The following ATXN2L variants were observed in gnomAD, a reference collection of about 807,000 sequenced individuals.
ATXN2L encodes ataxin-2-like protein.
ATXN2L carries 24 observed loss-of-function variants against 120.7 expected under a neutral mutation model. The observed-to-expected ratio is 0.20, with a 90% CI of 0.14 to 0.28. The LOEUF (loss-of-function observed/expected upper bound fraction) is 0.28. Among genes scored for constraint, ATXN2L ranks in the 10% least tolerant of loss-of-function variants. The pLI is 1.00. For missense variants in ATXN2L, 1,312 were observed against 1,432.3 expected (o/e 0.92, Z 1.36); for synonymous variants, 653 against 568.1 (o/e 1.15, Z -2.13).
intron 1 of ATXN2L, 127 bp from the exon 2 acceptor site, chr16:28,825,239 T>C: frequency 1.1e-6 from 1 of 927,594 alleles, no homozygotes; most frequent in Non-Finnish European, 1.7e-6. Flanking sequence ...AAAATCTTAC[T>C]GATTAACAAT....
chr16:28,832,181 C>A, intron 10 of ATXN2L, 24 bp from the exon 11 acceptor site: 1 of 1,613,668 alleles, frequency 6.2e-7, no homozygotes. Context: ...AGTAACCATC[C>A]TACAGCTCCC....
rs1023690519 is a variant in ATXN2L at position 28,833,196 on chromosome 16, G to C, written c.1797G>C (p.Lys599Asn). Residue 599 changes from lysine to asparagine, a missense_variant, in exon 14 of 22, where the codon AAG becomes AAC. Lys to Asn is a moderately conservative substitution (Grantham distance 94, BLOSUM62 0). Coordinates refer to ENST00000336783, the MANE Select transcript of ATXN2L (RefSeq NM_007245.4). Reference protein sequence around the residue: ...SEPMGSPVSSKTESVSDKEDK... With the variant: ...SEPMGSPVSSNTESVSDKEDK... Reference sequence around the variant, plus strand: ...CCATGGGGTCTCCCGTCTCCTCCAAGACAGAGTCCGTATCGGATAAGGAGG... The same window carrying C: ...CCATGGGGTCTCCCGTCTCCTCCAACACAGAGTCCGTATCGGATAAGGAGG... 1.5e-5 allele frequency: 25 copies of C among 1,614,200 alleles called. No individual in the cohort carries two copies. The highest frequency in any genetic ancestry group is 2.1e-5 in the Non-Finnish European group (25 of 1,180,042).
At chr16:28,824,610 A>G in intron 1 of ATXN2L, 1 of 1,234,786 alleles carries the variant, frequency 8.1e-7, no homozygotes, top group South Asian at 1.3e-5. Flanking sequence ...CCCTCCTCCC[A>G]CAGTTTTGAG....
In ATXN2L at chr16:28,830,069, C is replaced by A. The variant is rs748576368; in HGVS notation, c.1034+11C>A. The A allele has an allele frequency of 1.2e-6, 2 of 1,605,838 alleles. No individual in the cohort carries two copies. Among genetic ancestry groups the A allele is most frequent in the Admixed American group, 1.7e-5 (1 of 59,532 alleles). On this transcript the variant is annotated intron_variant, in intron 8 of 21. Transcript: ENST00000336783. ...CAGCTTGGCATCCAGGTGACTGTTG[C>A]AAACAGCCAGGACTACTTGGGGCTT... is the stretch of plus-strand genomic sequence containing the variant.
In ATXN2L at chr16:28,835,327, C is replaced by T. The variant is rs754721336; in HGVS notation, c.2613C>T (p.His871=). The T allele has an allele frequency of 6.2e-7, 1 of 1,613,710 alleles. No homozygotes were observed. Among genetic ancestry groups the T allele is most frequent in the South Asian group, 1.1e-5 (1 of 91,082 alleles). Residue 871 remains histidine (H), a synonymous_variant, in exon 20 of 22, where the codon CAC becomes CAT. Transcript: ENST00000336783. ...YPHHATQLHA[H]QPQPATTPTG... The stretch of plus-strand genomic sequence containing the variant: ...ACCATGCCACACAGCTCCATGCCCA[C>T]CAGCCGCAGCCGGCTACCACGCCTA...
intron 1 of ATXN2L, chr16:28,824,037 C>A (rs894781697): frequency 2.1e-6 from 2 of 940,950 alleles, no homozygotes; most frequent in African/African-American, 3.6e-5. Context: ...GTTGCTGCCT[C>A]CCCCTTCCCG....
Position 28,834,093 on chromosome 16 carries a change from C to T in ATXN2L, c.2054C>T (p.Pro685Leu), listed in dbSNP as rs757362191. ...VNKSTSTPTS[P>L]GPRTHSTPSI... Reference sequence around the variant, plus strand: ...AAATCCACCAGTACCCCAACTTCTCCGGGGCCCCGGACTCATTCAACTCCC... The same window carrying T: ...AAATCCACCAGTACCCCAACTTCTCTGGGGCCCCGGACTCATTCAACTCCC... The change falls in exon 16 of 22, where the codon CCG (proline) becomes CTG (leucine). Residue 685 changes from proline (P) to leucine (L), a missense_variant. Physicochemically the swap from Pro to Leu is moderately conservative, Grantham distance 98. Coordinates refer to ENST00000336783, the MANE Select transcript of ATXN2L (RefSeq NM_007245.4). 8 of 1,613,954 alleles carry T rather than the reference C, an allele frequency of 5.0e-6. No individual in the cohort carries two copies. The highest frequency in any genetic ancestry group is 1.3e-5 in the African/African-American group (1 of 75,024).
intron 10 of ATXN2L, 72 bp downstream of exon 10, chr16:28,831,144 T>C: frequency 9.4e-7 from 1 of 1,059,854 alleles, no homozygotes; most frequent in Admixed American, 2.3e-5. Flanking sequence ...GTCCATTTGT[T>C]ACAGTGCTGG....
chr16:28,827,566 T>C (rs960751680), intron 6 of ATXN2L, among the ~76,000 whole-genome samples: 3 of 151,464 alleles, frequency 2.0e-5, no homozygotes, highest in African/African-American at 4.9e-5. Flanking sequence ...AATCAGCTAC[T>C]CTGAGGCATT....
At chr16:28,834,297 C>T in intron 16 of ATXN2L, 46 bp from the exon 17 acceptor site, 4 of 1,611,366 alleles carry the variant, frequency 2.5e-6, no homozygotes, top group African/African-American at 1.3e-5. Flanking sequence ...CCTGTCTGGG[C>T]ATTCGTGAGC....
At position 28,832,802 on chromosome 16, in the gene ATXN2L, AC is replaced by A. The variant is rs1185571574; in HGVS notation, c.1589-14del. ...AATGTTTTGTATTTTCTTCTTTTTG[AC>A]TGTTTTCTCATAGTCCCTGGTCTTC... On this transcript the variant is annotated splice_polypyrimidine_tract_variant and intron_variant, in intron 12 of 21. Transcript: ENST00000336783. The A allele has an allele frequency of 6.2e-7, 1 of 1,613,200 alleles. No homozygotes were observed. Among genetic ancestry groups the A allele is most frequent in the East Asian group, 2.2e-5 (1 of 44,884 alleles).
At position 28,836,378 on chromosome 16, in the gene ATXN2L, C is replaced by T. The variant is rs1476058068; in HGVS notation, c.*113C>T. 3.1e-6 allele frequency: 5 copies of T among 1,613,480 alleles called. No individual in the cohort carries two copies. Among genetic ancestry groups the T allele is most frequent in the African/African-American group, 1.3e-5 (1 of 74,852 alleles). ...GCCGCCGCCAGGGGCTTGCTCCTGG[C>T]TCTGTCCTTTGCTTCCCTCCGTCCT... On this transcript the variant is annotated 3_prime_UTR_variant, in exon 22 of 22. Coordinates refer to ENST00000336783, the MANE Select transcript of ATXN2L (RefSeq NM_007245.4).
intron 7 of ATXN2L, 112 bp from the exon 8 acceptor site, chr16:28,829,746 A>C (rs2053659489): frequency 1.7e-6 from 2 of 1,177,890 alleles, no homozygotes; most frequent in Non-Finnish European, 2.5e-6. Context: ...TGTTGAAGGG[A>C]TTAAATACTT....
intron 18 of ATXN2L, 108 bp from the exon 19 acceptor site, chr16:28,834,950 T>C: frequency 7.1e-7 from 1 of 1,410,676 alleles, no homozygotes; most frequent in Non-Finnish European, 9.6e-7. Context: ...GTTGAATCAA[T>C]AGGGTGATTG....
At chr16:28,829,798 C>T in intron 7 of ATXN2L, 60 bp from the exon 8 acceptor site, 2 of 1,566,738 alleles carry the variant, frequency 1.3e-6, no homozygotes, top group Admixed American at 1.7e-5. Flanking sequence ...AATGTTTTTC[C>T]TTTTTTCCTC....
intron 6 of ATXN2L, among the ~76,000 whole-genome samples, chr16:28,829,053 T>C (rs1401285084): frequency 3.3e-5 from 5 of 152,146 alleles, no homozygotes; most frequent in African/African-American, 1.2e-4. Flanking sequence ...CAGAGCGCAG[T>C]GGTGCCATAA....
rs370758732 is a variant in ATXN2L at position 28,826,734 on chromosome 16, C to T, written c.617-128C>T. ...CCCACCCCCTGGCCATCCTAACACA[C>T]GGGCACACGTACTCTGGACTTCTTA... On this transcript the variant is annotated intron_variant, in intron 5 of 21. Transcript: ENST00000336783. The T allele has an allele frequency of 1.3e-4, 155 of 1,173,272 alleles. 1 individual carries two copies. Among genetic ancestry groups the T allele is most frequent in the Non-Finnish European group, 1.6e-4 (142 of 871,762 alleles). The allele number at this position is 1,173,272 out of a possible 1,614,324, so 72.7% of individuals were successfully genotyped here.
rs777490685 is a variant in ATXN2L, at chr16:28,825,576, G to A, written c.337-48G>A. 17 of 1,588,546 alleles carry A rather than the reference G, an allele frequency of 1.1e-5. No individual in the cohort carries two copies. In the South Asian group the frequency reaches 1.8e-4, roughly 17 times the overall value. ...GCGGGCATTTAGAAAAGAAAATGAG[G>A]TGTTGACTGATTACTCCTTTAATTC... On this transcript the variant is annotated intron_variant, in intron 2 of 21. Transcript: ENST00000336783.
chr16:28,831,215 T>C (rs1054342610), intron 10 of ATXN2L, 143 bp downstream of exon 10: 17 of 684,754 alleles, frequency 2.5e-5, no homozygotes, highest in Non-Finnish European at 3.9e-5. Context: ...TATTGGGAAA[T>C]AGTTCTTCGA....
Sources: allele counts gnomAD v4.1 joint callset (sites outside exome capture counted in the v4.1 genomes callset), GRCh38; gene constraint gnomAD v4.1.1; transcripts MANE v1.5; gene names NCBI Gene and HGNC (gene_info 2026-07-23, HGNC 2026-07-21).